TTC7B: variants seen among roughly 807,000 people sequenced by gnomAD.
The protein encoded by TTC7B is tetratricopeptide repeat protein 7B.
In TTC7B, 28 loss-of-function variants were observed where a neutral mutation model predicts 106.8. That is an observed-to-expected ratio of 0.26 (90% CI 0.19 to 0.36). The LOEUF is 0.36. Among genes scored for constraint, TTC7B ranks in the 10% least tolerant of loss-of-function variants. TTC7B has a pLI of 1.00. For synonymous variants in TTC7B, 405 were observed against 430.6 expected (o/e 0.94, Z 0.74); for missense variants, 862 against 1,076.4 (o/e 0.80, Z 2.79).
chr14:90,707,309 C>A (rs1279245419), intron 5 of TTC7B, among the ~76,000 whole-genome samples: 1 of 152,200 alleles, frequency 6.6e-6, no homozygotes, highest in Non-Finnish European at 1.5e-5. Flanking sequence ...CACTGACCAG[C>A]CATTTCCCCA....
chr14:90,785,250 G>A (rs967543527), intron 2 of TTC7B, among the ~76,000 whole-genome samples: 6 of 152,116 alleles, frequency 3.9e-5, no homozygotes, highest in East Asian at 1.9e-4. Flanking sequence ...GGGGGGAAGC[G>A]TGCACACACA....
At chr14:90,787,119 G>A (rs1891420019) in intron 1 of TTC7B, among the ~76,000 whole-genome samples, 1 of 152,212 alleles carries the variant, frequency 6.6e-6, no homozygotes, top group African/African-American at 2.4e-5. Context: ...ACGCAAGTCT[G>A]TATTCTTGCA....
At chr14:90,809,249 G>A (rs2030768120) in intron 1 of TTC7B, among the ~76,000 whole-genome samples, 1 of 152,234 alleles carries the variant, frequency 6.6e-6, no homozygotes, top group African/African-American at 2.4e-5. Flanking sequence ...TTTAAGCATG[G>A]ATGTCACCCT....
rs755025452 is a variant in TTC7B, at chr14:90,676,658, G to A, written c.1017C>T (p.Ala339=). Residue 339 remains alanine, a splice_region_variant and synonymous_variant, in exon 9 of 20, where the codon GCC becomes GCT. Coordinates refer to ENST00000328459, the MANE Select transcript of TTC7B (RefSeq NM_001010854.2). The part of the protein sequence containing the change: ...LLLLLISESM[A]NRDAVLSRIP... The stretch of plus-strand genomic sequence containing the variant: ...TCCTGCTCAGCACAGCGTCCCGGTT[G>A]GCCTGAAAAAACATGGAATAGAGAA... The A allele has an allele frequency of 6.2e-7, 1 of 1,613,268 alleles. No individual in the cohort carries two copies. The highest frequency in any genetic ancestry group is 8.5e-7 in the Non-Finnish European group (1 of 1,179,644).
At chr14:90,687,956 G>A (rs1404309774) in intron 7 of TTC7B, among the ~76,000 whole-genome samples, 2 of 152,178 alleles carry the variant, frequency 1.3e-5, no homozygotes, top group East Asian at 1.9e-4. Context: ...AAGAAATGCC[G>A]ACTCCTCTGA....
chr14:90,646,614 T>A (rs535870833), intron 14 of TTC7B, among the ~76,000 whole-genome samples: 54 of 152,276 alleles, frequency 3.5e-4, no homozygotes, highest in African/African-American at 1.3e-3. Flanking sequence ...GCTACCTGGT[T>A]CCTGTTGGCA....
chr14:90,584,122 T>A (rs1373105587), intron 18 of TTC7B, among the ~76,000 whole-genome samples: 1 of 152,152 alleles, frequency 6.6e-6, no homozygotes, highest in Non-Finnish European at 1.5e-5. Context: ...TCAAGCCTGT[T>A]CCTTCCTCGC....
At chr14:90,605,564 T>C (rs1163123410) in intron 17 of TTC7B, 6 of 1,249,340 alleles carry the variant, frequency 4.8e-6, no homozygotes, top group Admixed American at 2.8e-5. Flanking sequence ...GCAAATGAAG[T>C]AGGTCTCACA....
chr14:90,737,827 G>A (rs1889603191), intron 4 of TTC7B, among the ~76,000 whole-genome samples: 1 of 152,126 alleles, frequency 6.6e-6, no homozygotes, highest in Non-Finnish European at 1.5e-5. Context: ...AAAGTGCTAG[G>A]ATTATAGGCG....
intron 2 of TTC7B, among the ~76,000 whole-genome samples, chr14:90,784,295 C>A (rs562195157): frequency 1.3e-5 from 2 of 152,132 alleles, no homozygotes; most frequent in African/African-American, 4.8e-5. Flanking sequence ...CGGTGGCTCA[C>A]GCCTGTAATC....
At chr14:90,569,520 A>C (rs910024254) in intron 19 of TTC7B, 1 of 152,218 alleles carries the variant, frequency 6.6e-6, no homozygotes, top group African/African-American at 2.4e-5. Flanking sequence ...TCTGTGGAGG[A>C]GGGCAAGAGA....
rs1752560340 is a variant in TTC7B, at chr14:90,534,970, G to A, written c.*6398C>T. ...TGCGTGGGGCCATCTGGAGGAGTCT[G>A]GGTTGCTCCATGTGATCACAGACAC... is the stretch of plus-strand genomic sequence containing the variant. On this transcript the variant is annotated 3_prime_UTR_variant, in exon 20 of 20. Coordinates refer to ENST00000328459, the MANE Select transcript of TTC7B (RefSeq NM_001010854.2). 1 of 152,430 alleles carries A rather than the reference G, an allele frequency of 6.6e-6. No individual in the cohort carries two copies. The highest frequency in any genetic ancestry group is 6.5e-5 in the Admixed American group (1 of 15,286). 9.4% of individuals were successfully genotyped at this position (152,430 alleles called of 1,614,324 possible). A position where few individuals can be genotyped will look rare whatever the true frequency, so the allele number is the denominator to read the frequency against.
chr14:90,578,644 C>T lies in TTC7B; in HGVS notation c.2108-336G>A, dbSNP rs181601858. On this transcript the variant is annotated intron_variant, in intron 18 of 19. Coordinates refer to ENST00000328459, the MANE Select transcript of TTC7B (RefSeq NM_001010854.2). The surrounding 1 kb of genome is among the most constrained non-coding windows in gnomAD (Gnocchi z 4.7). ...CTCAGTGTCTGGACAGAGGCTGGCC[C>T]GGTCCAACCCTTGGCTCTGACCCCC... is the stretch of plus-strand genomic sequence containing the variant. 1.2e-3 allele frequency among the ~76,000 whole-genome samples: 178 copies of T among 152,032 alleles called. No homozygotes were observed. Among genetic ancestry groups the T allele is most frequent in the African/African-American group, 4.1e-3 (168 of 41,464 alleles).
At chr14:90,596,943 C>T (rs949296074) in intron 17 of TTC7B, among the ~76,000 whole-genome samples, 4 of 152,174 alleles carry the variant, frequency 2.6e-5, no homozygotes, top group African/African-American at 9.7e-5. Flanking sequence ...AACAACAGCT[C>T]AGAGGCCAGA....
At position 90,610,716 on chromosome 14, in the gene TTC7B, C is replaced by T. The variant is rs7154190; in HGVS notation, c.1966+26G>A. ...CCCCACATTCTCCATTACACCATTT[C>T]GTCCCCTCTGGCTTTTTATTCTCAC... On this transcript the variant is annotated intron_variant, in intron 17 of 19. Transcript: ENST00000328459. The T allele has an allele frequency of 7.9e-6, 12 of 1,527,076 alleles. No homozygotes were observed. In the East Asian group the frequency reaches 9.0e-5, roughly 11 times the overall value. The allele number at this position is 1,527,076 out of a possible 1,614,324, so 94.6% of individuals were successfully genotyped here.
Position 90,534,841 on chromosome 14 carries a change from C to T in TTC7B, c.*6527G>A, listed in dbSNP as rs1024206795. 4 of 152,330 alleles carry T rather than the reference C, an allele frequency of 2.6e-5. No individual in the cohort carries two copies. Among genetic ancestry groups the T allele is most frequent in the Admixed American group, 6.5e-5 (1 of 15,286 alleles). The allele number at this position is 152,330 out of a possible 1,614,324, so 9.4% of individuals were successfully genotyped here. A position where few individuals can be genotyped will look rare whatever the true frequency, so the allele number is the denominator to read the frequency against. On this transcript the variant is annotated 3_prime_UTR_variant, in exon 20 of 20. Transcript: ENST00000328459. ...ACAGGCCCAGCACGGACAGGGCAGA[C>T]GTGGAGAACTCCAAGGATGATGGGG...
At chr14:90,730,984 C>T (rs952841453) in intron 4 of TTC7B, among the ~76,000 whole-genome samples, 11 of 152,174 alleles carry the variant, frequency 7.2e-5, no homozygotes, top group Admixed American at 2.0e-4. Context: ...CTCGCTCTGT[C>T]GCCCAGGCTG....
intron 5 of TTC7B, among the ~76,000 whole-genome samples, chr14:90,709,091 CT>C (rs1316106171): frequency 1.1e-4 from 16 of 152,072 alleles, no homozygotes; most frequent in African/African-American, 3.6e-4. Context: ...GTTGGTGGGA[CT>C]GTAAACTAGT....
chr14:90,603,260 A>G (rs1375495536), intron 17 of TTC7B: 2 of 1,289,896 alleles, frequency 1.6e-6, no homozygotes, highest in African/African-American at 1.5e-5. Flanking sequence ...TACTAACTGA[A>G]AAAAGGGAAG....
Sources: allele counts gnomAD v4.1 joint callset (sites outside exome capture counted in the v4.1 genomes callset), GRCh38; gene constraint gnomAD v4.1.1; non-coding constraint Gnocchi (gnomAD v3.1); transcripts MANE v1.5; gene names NCBI Gene and HGNC (gene_info 2026-07-23, HGNC 2026-07-21).